Variants in RPL39L observed in about 807,000 individuals in gnomAD.
RPL39L encodes ribosomal protein eL39-like 2.
For synonymous variants in RPL39L, 16 were observed against 20.1 expected (o/e 0.80, Z 0.55); for missense variants, 48 against 58.9 (o/e 0.81, Z 0.61).
chr3:187,120,987 C>T lies in RPL39L; in HGVS notation c.*158G>A, dbSNP rs932078668. 10 of 742,518 alleles carry T rather than the reference C, an allele frequency of 1.3e-5. No individual in the cohort carries two copies. The highest frequency in any genetic ancestry group is 7.0e-5 in the African/African-American group (4 of 56,948). 46.0% of individuals were successfully genotyped at this position (742,518 alleles called of 1,614,324 possible). ...GCTTTCACATATTTATTACTGAATC[C>T]ACCCTACTAGCACAGAGCATACAGA... is the stretch of plus-strand genomic sequence containing the variant. On this transcript the variant is annotated 3_prime_UTR_variant, in exon 3 of 3. Coordinates refer to ENST00000296277, the MANE Select transcript of RPL39L (RefSeq NM_052969.3).
In RPL39L at chr3:187,121,744, G is replaced by A. The variant is rs1482779842; in HGVS notation, c.-28-416C>T. On this transcript the variant is annotated intron_variant, in intron 2 of 2. Transcript: ENST00000296277. ...CTATTATCCCATCTAGCTAGAAAAA[G>A]CCCCAATATTAACAACTTGATATTA... Among the ~76,000 whole-genome samples the A allele has an allele frequency of 6.6e-5, 10 of 152,106 alleles. 1 individual carries two copies. Among genetic ancestry groups the A allele is most frequent in the Non-Finnish European group, 1.5e-4 (10 of 68,016 alleles).
chr3:187,136,666 G>C (rs768905832), intron 1 of RPL39L, among the ~76,000 whole-genome samples: 3 of 152,058 alleles, frequency 2.0e-5, no homozygotes, highest in African/African-American at 7.2e-5. Flanking sequence ...TGGGTGGTGG[G>C]GAAGGCAGTT....
intron 1 of RPL39L, among the ~76,000 whole-genome samples, chr3:187,134,529 A>G (rs1207370208): frequency 6.6e-6 from 1 of 151,582 alleles, no homozygotes; most frequent in East Asian, 1.9e-4. Context: ...AACATCTGCA[A>G]TGAAAAAGGG....
At chr3:187,139,175 C>A (rs1171125634) in intron 1 of RPL39L, 38 bp downstream of exon 1, 1 of 152,528 alleles carries the variant, frequency 6.6e-6, no homozygotes, top group African/African-American at 2.4e-5. Flanking sequence ...TTGGGCGGAC[C>A]GGGCCCTGGC....
chr3:187,129,660 C>T (rs570528011), intron 1 of RPL39L, among the ~76,000 whole-genome samples: 2 of 152,146 alleles, frequency 1.3e-5, no homozygotes, highest in African/African-American at 4.8e-5. Context: ...CAGTAAAGCA[C>T]AAAATATGTA....
At chr3:187,135,632 A>C (rs925528893) in intron 1 of RPL39L, among the ~76,000 whole-genome samples, 1 of 152,236 alleles carries the variant, frequency 6.6e-6, no homozygotes, top group African/African-American at 2.4e-5. Context: ...ATGAAAGACT[A>C]ATACAGACGG....
intron 1 of RPL39L, among the ~76,000 whole-genome samples, chr3:187,131,188 C>G (rs977596991): frequency 4.6e-5 from 7 of 152,298 alleles, no homozygotes; most frequent in Middle Eastern, 3.4e-3. Context: ...GTTAAAAGAA[C>G]TCTGGAGGGC....
chr3:187,136,139 G>A (rs1327322482), intron 1 of RPL39L, among the ~76,000 whole-genome samples: 1 of 152,198 alleles, frequency 6.6e-6, no homozygotes, highest in Non-Finnish European at 1.5e-5. Context: ...ATAACTAATG[G>A]AGACTGCTCA....
At chr3:187,136,467 G>A (rs1480260098) in intron 1 of RPL39L, among the ~76,000 whole-genome samples, 1 of 152,234 alleles carries the variant, frequency 6.6e-6, no homozygotes, top group Non-Finnish European at 1.5e-5. Flanking sequence ...TAATGCAACA[G>A]CTGAGGGAAG....
intron 1 of RPL39L, among the ~76,000 whole-genome samples, chr3:187,132,387 A>G (rs1054152720): frequency 1.3e-5 from 2 of 152,176 alleles, no homozygotes; most frequent in African/African-American, 4.8e-5. Flanking sequence ...GGGGTAAAGT[A>G]TAAGTCTGGT....
At position 187,121,107 on chromosome 3, in the gene RPL39L, T is replaced by C. The variant is rs747476143; in HGVS notation, c.*38A>G. ...TATCGTAAGATGATCGTGAACTTGA[T>C]ACAGCATAAATATGTGTGCCATCTC... On this transcript the variant is annotated 3_prime_UTR_variant, in exon 3 of 3. Coordinates refer to ENST00000296277, the MANE Select transcript of RPL39L (RefSeq NM_052969.3). 7.5e-6 allele frequency: 12 copies of C among 1,607,998 alleles called. No homozygotes were observed. Among genetic ancestry groups the C allele is most frequent in the African/African-American group, 4.0e-5 (3 of 74,786 alleles).
chr3:187,135,717 A>G (rs1720567941), intron 1 of RPL39L, among the ~76,000 whole-genome samples: 1 of 152,270 alleles, frequency 6.6e-6, no homozygotes, highest in Non-Finnish European at 1.5e-5. Flanking sequence ...AAAGGAAGAC[A>G]TAAACCAAGT....
rs928795901 is a variant in RPL39L at position 187,139,223 on chromosome 3, G to A, written c.-103C>T. On this transcript the variant is annotated 5_prime_UTR_variant, in exon 1 of 3. Transcript: ENST00000296277. ...GGAACCTTTACTTACCGGCGCCCTG[G>A]CCTCTGCTTTTTTCCCACTCTAGGA... 6.6e-6 allele frequency: 1 copy of A among 152,412 alleles called. No homozygotes were observed. Among genetic ancestry groups the A allele is most frequent in the East Asian group, 1.9e-4 (1 of 5,170 alleles). 9.4% of individuals were successfully genotyped at this position (152,412 alleles called of 1,614,324 possible).
chr3:187,138,607 G>A (rs978074868), intron 1 of RPL39L, among the ~76,000 whole-genome samples: 14 of 152,222 alleles, frequency 9.2e-5, no homozygotes, highest in Admixed American at 6.5e-4. Context: ...TGATGAATCA[G>A]TGCCACTCAC....
intron 2 of RPL39L, among the ~76,000 whole-genome samples, chr3:187,123,372 A>G (rs1720345009): frequency 1.3e-5 from 2 of 152,230 alleles, no homozygotes; most frequent in Admixed American, 6.5e-5. Context: ...AAAATGCCAA[A>G]TGGGTGATAA....
intron 1 of RPL39L, among the ~76,000 whole-genome samples, chr3:187,138,714 A>G (rs1720630529): frequency 6.6e-6 from 1 of 152,084 alleles, no homozygotes; most frequent in African/African-American, 2.4e-5. Context: ...TTTATTGTCG[A>G]TTTCCTCCTT....
chr3:187,128,880 T>A (rs1720441597), intron 1 of RPL39L, among the ~76,000 whole-genome samples: 4 of 152,196 alleles, frequency 2.6e-5, no homozygotes, highest in Admixed American at 2.0e-4. Flanking sequence ...TCATGATACG[T>A]CCAACGTCCA....
At chr3:187,132,011 T>C (rs996356986) in intron 1 of RPL39L, among the ~76,000 whole-genome samples, 1 of 152,116 alleles carries the variant, frequency 6.6e-6, no homozygotes, top group African/African-American at 2.4e-5. Flanking sequence ...AGAAGAGTAA[T>C]TGAGCACATG....
At chr3:187,137,586 G>T (rs1354793500) in intron 1 of RPL39L, among the ~76,000 whole-genome samples, 1 of 151,572 alleles carries the variant, frequency 6.6e-6, no homozygotes, top group Non-Finnish European at 1.5e-5. Context: ...GCTGATGCGG[G>T]CAGATCATCT....
Sources: gnomAD v4.1 joint callset for allele counts (sites outside exome capture counted in the v4.1 genomes callset) on GRCh38, gnomAD v4.1.1 for gene constraint, MANE v1.5 for transcripts, NCBI Gene and HGNC (gene_info 2026-07-23, HGNC 2026-07-21) for gene names.